Variants in RIMS2 observed in about 807,000 individuals in gnomAD.
The protein encoded by RIMS2 is regulating synaptic membrane exocytosis protein 2.
Under a neutral mutation model 174.4 loss-of-function variants are expected in RIMS2, and 59 were observed. The ratio of observed to expected loss-of-function variants is 0.34; its 90% CI spans 0.27 to 0.42. The LOEUF (loss-of-function observed/expected upper bound fraction) is 0.42. Among genes scored for constraint, RIMS2 ranks in the 10% least tolerant of loss-of-function variants. The pLI is 1.00. For missense variants in RIMS2, 1,620 were observed against 1,666.3 expected (o/e 0.97, Z 0.48); for synonymous variants, 606 against 572.5 (o/e 1.06, Z -0.84).
chr8:103,899,537 T>C (rs949700708), intron 4 of RIMS2, among the ~76,000 whole-genome samples: 1 of 151,742 alleles, frequency 6.6e-6, no homozygotes, highest in Non-Finnish European at 1.5e-5. Flanking sequence ...AAAAGTGTCT[T>C]TTCATATCCT....
intron 1 of RIMS2, among the ~76,000 whole-genome samples, chr8:103,549,562 C>G: frequency 6.6e-6 from 1 of 152,168 alleles, no homozygotes; most frequent in Admixed American, 6.5e-5. Flanking sequence ...ACTGCATCAA[C>G]TAATGAGCAA....
chr8:103,788,119 C>T (rs1313691290), intron 3 of RIMS2, among the ~76,000 whole-genome samples: 2 of 150,818 alleles, frequency 1.3e-5, no homozygotes, highest in African/African-American at 4.9e-5. Flanking sequence ...TTTTCAGCTC[C>T]ATCAGCCCCT....
intron 4 of RIMS2, among the ~76,000 whole-genome samples, chr8:103,888,238 A>G (rs1172534571): frequency 6.6e-6 from 1 of 151,582 alleles, no homozygotes; most frequent in African/African-American, 2.4e-5. Context: ...GGTTGGGGAA[A>G]TGCATATGAA....
chr8:103,701,696 C>T (rs1007727308), intron 2 of RIMS2, among the ~76,000 whole-genome samples: 5 of 151,760 alleles, frequency 3.3e-5, no homozygotes, highest in African/African-American at 9.7e-5. Flanking sequence ...TTTGTCTTTC[C>T]GGGCCTGGCT....
intron 19 of RIMS2, among the ~76,000 whole-genome samples, chr8:104,153,658 T>G (rs998255764): frequency 2.6e-5 from 4 of 152,026 alleles, no homozygotes; most frequent in African/African-American, 9.7e-5. Context: ...TTTGAAGCCA[T>G]AGAACTGGAT....
At chr8:103,938,216 G>T (rs2081710062) in intron 13 of RIMS2, among the ~76,000 whole-genome samples, 1 of 152,142 alleles carries the variant, frequency 6.6e-6, no homozygotes, top group South Asian at 2.1e-4. Context: ...AGTGTGGTTG[G>T]TATATTAATT....
rs541715217 is a variant in RIMS2, at chr8:104,020,999, T to G, written c.3334+6384T>G. ...ATCAAATATGTCTACATATATTGAT[T>G]TAGAATATTAGCATTTTAAAATGAT... is the stretch of plus-strand genomic sequence containing the variant. On this transcript the variant is annotated intron_variant, in intron 19 of 23. Coordinates refer to ENST00000504942, the Ensembl canonical transcript of RIMS2. Among the ~76,000 whole-genome samples, 21 of 152,156 alleles carry G rather than the reference T, an allele frequency of 1.4e-4. No homozygotes were observed. The South Asian group carries it at 4.4e-3, about 32-fold the overall frequency.
intron 3 of RIMS2, among the ~76,000 whole-genome samples, chr8:103,814,455 C>T (rs2098706980): frequency 6.6e-6 from 1 of 151,298 alleles, no homozygotes; most frequent in South Asian, 2.1e-4. Flanking sequence ...AAAGAATTTA[C>T]ACTTCAAAAA....
At chr8:104,218,376 C>T (rs1231616407) in intron 19 of RIMS2, among the ~76,000 whole-genome samples, 1 of 152,066 alleles carries the variant, frequency 6.6e-6, no homozygotes, top group Non-Finnish European at 1.5e-5. Context: ...AGTTTGCATT[C>T]TCCTCATCAT....
At position 103,943,190 on chromosome 8, in the gene RIMS2, A is replaced by G. The variant is rs867400664; in HGVS notation, c.2701+264A>G. On this transcript the variant is annotated intron_variant, in intron 14 of 23. Transcript: ENST00000504942. ...TTGGATGATATGACACCAAATAAGCATATTTACATTTAAATCTTAGTGCTT... is the reference window on the plus strand; with the variant it reads ...TTGGATGATATGACACCAAATAAGCGTATTTACATTTAAATCTTAGTGCTT... Among the ~76,000 whole-genome samples, 16 of 152,350 alleles carry G rather than the reference A, an allele frequency of 1.1e-4. No homozygotes were observed. The South Asian group carries it at 3.3e-3, about 32-fold the overall frequency.
chr8:103,581,477 A>G (rs1407082691), intron 1 of RIMS2, among the ~76,000 whole-genome samples: 1 of 152,174 alleles, frequency 6.6e-6, no homozygotes, highest in Non-Finnish European at 1.5e-5. Flanking sequence ...ACATAACTCA[A>G]AATAATAAAG....
At chr8:103,787,396 G>C (rs1165629613) in intron 3 of RIMS2, among the ~76,000 whole-genome samples, 5 of 151,250 alleles carry the variant, frequency 3.3e-5, no homozygotes, top group Admixed American at 2.6e-4. Context: ...GCATGATTTT[G>C]CAGCAGCTGG....
chr8:104,170,594 G>A (rs926851517), intron 19 of RIMS2, among the ~76,000 whole-genome samples: 1 of 151,978 alleles, frequency 6.6e-6, no homozygotes, highest in African/African-American at 2.4e-5. Flanking sequence ...TATTTGGTTG[G>A]TGGTTTTTTA....
chr8:103,795,070 C>A (rs575628603), intron 3 of RIMS2, among the ~76,000 whole-genome samples: 120 of 152,246 alleles, frequency 7.9e-4, no homozygotes, highest in African/African-American at 2.7e-3. Flanking sequence ...TTTGACCGAG[C>A]CATCCCATTA....
chr8:103,826,795 C>T (rs2098793834), intron 3 of RIMS2, among the ~76,000 whole-genome samples: 1 of 151,392 alleles, frequency 6.6e-6, no homozygotes, highest in Non-Finnish European at 1.5e-5. Context: ...GATCCTTCTT[C>T]CTCAGCCTCC....
chr8:103,811,885 A>G (rs544274435), intron 3 of RIMS2, among the ~76,000 whole-genome samples: 11 of 152,388 alleles, frequency 7.2e-5, no homozygotes, highest in Non-Finnish European at 1.5e-4. Flanking sequence ...CTTCTGGCTT[A>G]GAAAGAAGAG....
intron 3 of RIMS2, among the ~76,000 whole-genome samples, chr8:103,877,704 G>A (rs2099147910): frequency 1.3e-5 from 2 of 151,368 alleles, no homozygotes; most frequent in African/African-American, 4.9e-5. Context: ...GAATTACTTT[G>A]GCTATTGAGG....
At chr8:103,608,058 T>C (rs1343961698) in intron 1 of RIMS2, among the ~76,000 whole-genome samples, 1 of 149,832 alleles carries the variant, frequency 6.7e-6, no homozygotes, top group South Asian at 2.1e-4. Context: ...CTGCATTCCT[T>C]TGGAGGAGGA....
chr8:103,503,416 A>G (rs899760073), intron 1 of RIMS2, among the ~76,000 whole-genome samples: 2 of 151,992 alleles, frequency 1.3e-5, no homozygotes, highest in Non-Finnish European at 2.9e-5. Context: ...TACATTATCA[A>G]TATTGGGTAT....
Sources: gnomAD v4.1 joint callset for allele counts (sites outside exome capture counted in the v4.1 genomes callset) on GRCh38, gnomAD v4.1.1 for gene constraint, MANE v1.5 for transcripts, NCBI Gene and HGNC (gene_info 2026-07-23, HGNC 2026-07-21) for gene names.